The following CSPG5 variants were observed in gnomAD, a reference collection of about 807,000 sequenced individuals.
CSPG5 encodes acidic leucine-rich EGF-like domain-containing brain protein.
CSPG5 carries 25 observed loss-of-function variants against 39.8 expected under a neutral mutation model. The observed-to-expected ratio is 0.63, with a 90% CI of 0.46 to 0.88. The LOEUF is 0.88. Among genes scored for constraint, CSPG5 ranks in the 40% least tolerant of loss-of-function variants. CSPG5 has a pLI of 0.00. For synonymous variants in CSPG5, 295 were observed against 303.9 expected (o/e 0.97, Z 0.31); for missense variants, 627 against 702.2 (o/e 0.89, Z 1.21).
intron 3 of CSPG5, among the ~76,000 whole-genome samples, chr3:47,570,862 A>G (rs1409143911): frequency 6.6e-6 from 1 of 152,196 alleles, no homozygotes. Flanking sequence ...TAGACTTTAG[A>G]TAAGGGACTG....
intron 2 of CSPG5, among the ~76,000 whole-genome samples, chr3:47,573,979 T>A (rs555753143): frequency 1.3e-5 from 2 of 152,306 alleles, no homozygotes; most frequent in South Asian, 4.1e-4. Flanking sequence ...AAAGGCACAC[T>A]GCAGTCTGCA....
At chr3:47,567,047 C>T (rs748627482) in intron 4 of CSPG5, among the ~76,000 whole-genome samples, 3 of 152,220 alleles carry the variant, frequency 2.0e-5, no homozygotes, top group Admixed American at 6.5e-5. Context: ...AAGAAACCTT[C>T]GCACCGGCTG....
intron 2 of CSPG5, among the ~76,000 whole-genome samples, chr3:47,573,314 C>T (rs141540330): frequency 6.6e-6 from 1 of 152,344 alleles, no homozygotes; most frequent in African/African-American, 2.4e-5. Context: ...GTCCCAGGAC[C>T]TGCCCTGCAC....
Position 47,577,048 on chromosome 3 carries a change from C to T in CSPG5, c.978G>A (p.Gln326=). The change falls in exon 2 of 5, where the codon CAG becomes CAA. Residue 326 remains glutamine (Q), a synonymous_variant. Coordinates refer to ENST00000264723, the MANE Select transcript of CSPG5 (RefSeq NM_006574.4). This position sits in a 1 kb window ranked among gnomAD's most constrained non-coding sequence, Gnocchi z 4.7. ...PTSRWHAVPP[Q]HTLGSVPGSS... ...TGCCGGGGACCGACCCCAGAGTGTG[C>T]TGTGGAGGGACAGCATGCCACCGAC... 2 of 1,613,420 alleles carry T rather than the reference C, an allele frequency of 1.2e-6. No homozygotes were observed. Among genetic ancestry groups the T allele is most frequent in the Non-Finnish European group, 8.5e-7 (1 of 1,179,848 alleles).
Position 47,577,470 on chromosome 3 carries a change from G to T in CSPG5, c.556C>A (p.Pro186Thr). The T allele has an allele frequency of 6.2e-7, 1 of 1,613,964 alleles. No homozygotes were observed. Among genetic ancestry groups the T allele is most frequent in the Non-Finnish European group, 8.5e-7 (1 of 1,179,978 alleles). The part of the protein sequence containing the change: ...WLNLGGSTPD[P>T]QGPELTYPFQ... ...GGGTAAGTCAGCTCTGGCCCTTGAG[G>T]GTCGGGTGTGCTGCCCCCCAGGTTC... Residue 186 changes from proline to threonine, a missense_variant, in exon 2 of 5, where the codon CCT (proline) becomes ACT (threonine). By Grantham distance (38) the Pro-to-Thr change is conservative (BLOSUM62 -1). Transcript: ENST00000264723. The surrounding 1 kb of genome is among the most constrained non-coding windows in gnomAD (Gnocchi z 4.7).
In CSPG5 at chr3:47,562,715, C is replaced by T; in HGVS notation, c.1505G>A (p.Cys502Tyr). 1 of 1,613,846 alleles carries T rather than the reference C, an allele frequency of 6.2e-7. No homozygotes were observed. Among genetic ancestry groups the T allele is most frequent in the Non-Finnish European group, 8.5e-7 (1 of 1,179,964 alleles). The change falls in exon 5 of 5, where the codon TGC becomes TAC. Residue 502 changes from cysteine to tyrosine, a missense_variant. Physicochemically the swap from Cys to Tyr is radical, Grantham distance 194. Transcript: ENST00000264723. Reference sequence around the variant, plus strand: ...GTTAAATGACTCCTCCTCTTTCAGGCAGGACTTGAGAACCTCCTGGATTTT... The same window carrying T: ...GTTAAATGACTCCTCCTCTTTCAGGTAGGACTTGAGAACCTCCTGGATTTT... ...PHKIQEVLKS[C>Y]LKEEESFNIQ...
At position 47,577,710 on chromosome 3, in the gene CSPG5, G is replaced by T. The variant is rs750458179; in HGVS notation, c.316C>A (p.Pro106Thr). 1.3e-6 allele frequency: 2 copies of T among 1,582,446 alleles called. No homozygotes were observed. The highest frequency in any genetic ancestry group is 4.5e-5 in the East Asian group (2 of 44,684). The change falls in exon 2 of 5, where the codon CCA (proline) becomes ACA (threonine). Residue 106 changes from proline (P) to threonine (T), a missense_variant. Coordinates refer to ENST00000264723, the MANE Select transcript of CSPG5 (RefSeq NM_006574.4). This position sits in a 1 kb window ranked among gnomAD's most constrained non-coding sequence, Gnocchi z 4.7. ...TGTAWLEADS[P>T]GLGGVTAEAG... is the part of the protein sequence containing the mutation. ...TCTGCGGTCACTCCTCCCAGGCCTG[G>T]GCTGTCAGCTTCCAGCCAGGCGGTG...
intron 4 of CSPG5, among the ~76,000 whole-genome samples, chr3:47,568,683 A>G (rs928096274): frequency 2.0e-5 from 3 of 152,194 alleles, no homozygotes; most frequent in African/African-American, 7.2e-5. Flanking sequence ...TCAGACTTCT[A>G]AAGCTTAGAT....
Position 47,569,217 on chromosome 3 carries a change from TC to T in CSPG5, c.1392del (p.Thr465ProfsTer39). The T allele has an allele frequency of 6.2e-7, 1 of 1,613,470 alleles. No homozygotes were observed. The highest frequency in any genetic ancestry group is 1.1e-5 in the South Asian group (1 of 91,036). On this transcript the variant is annotated frameshift_variant, in exon 4 of 5. Coordinates refer to ENST00000264723, the MANE Select transcript of CSPG5 (RefSeq NM_006574.4). LOFTEE classifies it high-confidence loss of function. ...TTATCATTGTGGAGCTCAGATGGGG[TC>T]CGGAATTTGCTGGTTAGGAGAGAAG... The part of the protein sequence containing the change: ...NTKLRRTNKF[R>X]TPSELHNDNF...
At position 47,576,982 on chromosome 3, in the gene CSPG5, C is replaced by A; in HGVS notation, c.1044G>T (p.Arg348Ser). The A allele has an allele frequency of 6.2e-7, 1 of 1,613,768 alleles. No individual in the cohort carries two copies. The highest frequency in any genetic ancestry group is 8.5e-7 in the Non-Finnish European group (1 of 1,179,850). Reference protein sequence around the residue: ...ALRPRPGEPGRDLASSENGTE... With the variant: ...ALRPRPGEPGSDLASSENGTE... The stretch of plus-strand genomic sequence containing the variant: ...TGCCATTTTCACTGGAGGCCAAGTC[C>A]CTGCCTGGCTCTCCTGGGCGGGGCC... Residue 348 changes from arginine (R) to serine (S), a missense_variant, in exon 2 of 5, where the codon AGG becomes AGT. By Grantham distance (110) the Arg-to-Ser change is moderately radical. Transcript: ENST00000264723.
chr3:47,570,650 G>A (rs1267746688), intron 3 of CSPG5, among the ~76,000 whole-genome samples: 2 of 151,906 alleles, frequency 1.3e-5, no homozygotes, highest in African/African-American at 4.8e-5. Context: ...TGGGATTACA[G>A]GTGGCTGCCA....
In CSPG5 at chr3:47,567,755, TA is replaced by T. The variant is rs1392491795; in HGVS notation, c.1458+1396del. The stretch of plus-strand genomic sequence containing the variant: ...GGCCAGGCATGGTAGCTCACACCTG[TA>T]ATCCCAACACTTTGGGAGGCTGCGG... On this transcript the variant is annotated intron_variant, in intron 4 of 4. Transcript: ENST00000264723. Among the ~76,000 whole-genome samples, 6 of 152,346 alleles carry T rather than the reference TA, an allele frequency of 3.9e-5. No individual in the cohort carries two copies. The East Asian group carries it at 1.2e-3, about 29-fold the overall frequency.
chr3:47,562,404 A>G lies in CSPG5; in HGVS notation c.*196T>C. The G allele has an allele frequency of 2.0e-6, 1 of 498,330 alleles. No homozygotes were observed. Among genetic ancestry groups the G allele is most frequent in the Non-Finnish European group, 3.4e-6 (1 of 291,814 alleles). The allele number at this position is 498,330 out of a possible 1,614,324, so 30.9% of individuals were successfully genotyped here. A position where few individuals can be genotyped will look rare whatever the true frequency, so the allele number is the denominator to read the frequency against. On this transcript the variant is annotated 3_prime_UTR_variant, in exon 5 of 5. Transcript: ENST00000264723. ...ACAGAAAAAACAACCCAATGTATGC[A>G]ATTCTGTTCAGTTTCTTTGCTTATT... is the stretch of plus-strand genomic sequence containing the variant.
chr3:47,567,068 C>A (rs549443949), intron 4 of CSPG5, among the ~76,000 whole-genome samples: 1 of 152,248 alleles, frequency 6.6e-6, no homozygotes, highest in East Asian at 1.9e-4. Flanking sequence ...TGTAGCCAAG[C>A]CCTCCAAGAG....
At chr3:47,563,263 C>T (rs1201461663) in intron 4 of CSPG5, among the ~76,000 whole-genome samples, 1 of 152,188 alleles carries the variant, frequency 6.6e-6, no homozygotes, top group Non-Finnish European at 1.5e-5. Context: ...GGGCCTCTCT[C>T]CCCACAGTAA....
intron 3 of CSPG5, among the ~76,000 whole-genome samples, chr3:47,570,842 G>A (rs1040569819): frequency 1.3e-5 from 2 of 152,128 alleles, no homozygotes; most frequent in Non-Finnish European, 2.9e-5. Flanking sequence ...TATACTTGAA[G>A]TAGTTCATTT....
chr3:47,576,094 C>G (rs978377674), intron 2 of CSPG5, among the ~76,000 whole-genome samples: 1 of 151,964 alleles, frequency 6.6e-6, no homozygotes, highest in Non-Finnish European at 1.5e-5. Flanking sequence ...GCCACCACAC[C>G]CGGCTAAATT....
Position 47,577,679 on chromosome 3 carries a change from C to A in CSPG5, c.347G>T (p.Gly116Val). 2.5e-6 allele frequency: 4 copies of A among 1,595,416 alleles called. No homozygotes were observed. Among genetic ancestry groups the A allele is most frequent in the Non-Finnish European group, 3.4e-6 (4 of 1,173,444 alleles). The change falls in exon 2 of 5, where the codon GGC becomes GTC. Residue 116 changes from glycine (G) to valine (V), a missense_variant. By Grantham distance (109) the Gly-to-Val change is moderately radical. Coordinates refer to ENST00000264723, the MANE Select transcript of CSPG5 (RefSeq NM_006574.4). This position sits in a 1 kb window ranked among gnomAD's most constrained non-coding sequence, Gnocchi z 4.7. ...TGGAAGGGCCTGGGCATCGCCGCTG[C>A]CCGCCTCTGCGGTCACTCCTCCCAG... Reference protein sequence around the residue: ...PGLGGVTAEAGSGDAQALPAT... With the variant: ...PGLGGVTAEAVSGDAQALPAT...
upstream of CSPG5, chr3:47,578,992 G>A: frequency 6.5e-6 from 1 of 152,946 alleles, no homozygotes; most frequent in Non-Finnish European, 1.5e-5. This position sits in a 1 kb window ranked among gnomAD's most constrained non-coding sequence, Gnocchi z 6.0. Context: ...GGAACAGACA[G>A]ACCCCTCGCT....
Sources: allele counts gnomAD v4.1 joint callset (sites outside exome capture counted in the v4.1 genomes callset), GRCh38; gene constraint gnomAD v4.1.1; non-coding constraint Gnocchi (gnomAD v3.1); transcripts MANE v1.5; gene names NCBI Gene and HGNC (gene_info 2026-07-23, HGNC 2026-07-21).